IPO11: variants seen among roughly 807,000 people sequenced by gnomAD.
IPO11 encodes importin 11, also known as importin-11.
In IPO11, 66 loss-of-function variants were observed where a neutral mutation model predicts 143.2. That is an observed-to-expected ratio of 0.46 (90% CI 0.38 to 0.57). IPO11 has a LOEUF of 0.57. Ranked by LOEUF, IPO11 falls within the 20% of genes least tolerant of loss-of-function variation. The probability of loss-of-function intolerance (pLI) is 0.00; values close to 1 mark genes in which losing one functional copy is unlikely to be tolerated. For synonymous variants in IPO11, 385 were observed against 377.8 expected (o/e 1.02, Z -0.22); for missense variants, 1,026 against 1,141.0 (o/e 0.90, Z 1.45).
In IPO11 at chr5:62,439,284, G is replaced by GTTTT. The variant is rs1226593063; in HGVS notation, c.138+1887_138+1890dup. 4.3e-3 allele frequency among the ~76,000 whole-genome samples: 395 copies of GTTTT among 90,930 alleles called. 11 individuals carry two copies. Among genetic ancestry groups the GTTTT allele is most frequent in the African/African-American group, 6.6e-3 (148 of 22,554 alleles). The allele number at this position is 90,930 out of a possible 152,430, so 59.7% of individuals were successfully genotyped here. A position where few individuals can be genotyped will look rare whatever the true frequency, so the allele number is the denominator to read the frequency against. On this transcript the variant is annotated intron_variant, in intron 2 of 29. Coordinates refer to ENST00000325324, the MANE Select transcript of IPO11 (RefSeq NM_016338.5). ...CTTATTAATAATACTAACTGCGTAG[G>GTTTT]TTTTTTTTTTTTTTTTTTTTTTTGA...
At chr5:62,533,964 A>AAG (rs1742644949) in intron 22 of IPO11, among the ~76,000 whole-genome samples, 4 of 148,650 alleles carry the variant, frequency 2.7e-5, no homozygotes, top group African/African-American at 4.9e-5. Context: ...AAAAAAAAAA[A>AAG]AAAGAAAGCC....
At position 62,451,946 on chromosome 5, in the gene IPO11, A is replaced by G; in HGVS notation, c.516+13A>G. On this transcript the variant is annotated intron_variant, in intron 5 of 29. Transcript: ENST00000325324. ...ACTATTTTATGATGTAAGTGATTTC[A>G]CATAGTTAAATTTGATTATGAAAAT... is the stretch of plus-strand genomic sequence containing the variant. 1 of 1,600,526 alleles carries G rather than the reference A, an allele frequency of 6.2e-7. No homozygotes were observed.
intron 3 of IPO11, among the ~76,000 whole-genome samples, chr5:62,446,006 A>G (rs1451920070): frequency 6.6e-6 from 1 of 152,218 alleles, no homozygotes; most frequent in East Asian, 1.9e-4. Flanking sequence ...ACATTATGTC[A>G]GGGGTTTGAT....
intron 26 of IPO11, among the ~76,000 whole-genome samples, chr5:62,553,291 A>G (rs534896144): frequency 2.6e-4 from 39 of 150,540 alleles, no homozygotes; most frequent in Admixed American, 6.6e-4. Context: ...ACAGGAATTC[A>G]TTCTTTTTTG....
intron 3 of IPO11, among the ~76,000 whole-genome samples, chr5:62,448,555 T>C (rs950224661): frequency 6.6e-6 from 1 of 152,160 alleles, no homozygotes; most frequent in East Asian, 1.9e-4. Context: ...AAACTTTGTT[T>C]TGTTTTGTTT....
chr5:62,468,310 G>A (rs541833480), intron 6 of IPO11, among the ~76,000 whole-genome samples: 30 of 152,048 alleles, frequency 2.0e-4, no homozygotes, highest in Non-Finnish European at 3.2e-4. Flanking sequence ...TTCTTTTATC[G>A]TACTCATTCT....
intron 1 of IPO11, among the ~76,000 whole-genome samples, chr5:62,416,816 C>T (rs1015986916): frequency 1.3e-5 from 2 of 151,734 alleles, no homozygotes; most frequent in Admixed American, 1.3e-4. Context: ...CTTCTGCCTC[C>T]CAGGCTCAAG....
chr5:62,578,423 A>G (rs1744404026), intron 27 of IPO11, among the ~76,000 whole-genome samples: 1 of 152,130 alleles, frequency 6.6e-6, no homozygotes, highest in Non-Finnish European at 1.5e-5. Context: ...TTCATTAAAA[A>G]GTTTACAAAA....
intron 7 of IPO11, among the ~76,000 whole-genome samples, chr5:62,471,654 A>G (rs1339643167): frequency 6.6e-6 from 1 of 152,194 alleles, no homozygotes. Flanking sequence ...CAAACTCAGC[A>G]TATTACATAT....
At chr5:62,454,271 G>A (rs759879641) in intron 5 of IPO11, among the ~76,000 whole-genome samples, 1 of 152,200 alleles carries the variant, frequency 6.6e-6, no homozygotes, top group African/African-American at 2.4e-5. Context: ...GAGGACTAAG[G>A]AAATGGACCG....
intron 1 of IPO11, among the ~76,000 whole-genome samples, chr5:62,430,427 C>T (rs1303343437): frequency 6.6e-6 from 1 of 152,022 alleles, no homozygotes; most frequent in Non-Finnish European, 1.5e-5. Context: ...CTCAAGCAGT[C>T]CTCTCACCTC....
intron 24 of IPO11, among the ~76,000 whole-genome samples, chr5:62,545,796 C>T (rs1315757146): frequency 6.6e-6 from 1 of 152,272 alleles, no homozygotes; most frequent in East Asian, 1.9e-4. Context: ...AGGATATGAA[C>T]AGACACTTCT....
At chr5:62,581,338 A>G in intron 27 of IPO11, 1 of 1,446,446 alleles carries the variant, frequency 6.9e-7, no homozygotes, top group East Asian at 2.5e-5. Flanking sequence ...AAGAAACTTC[A>G]GTGCCATGGA....
intron 1 of IPO11, among the ~76,000 whole-genome samples, chr5:62,427,731 C>T (rs548341994): frequency 6.6e-5 from 10 of 152,306 alleles, no homozygotes; most frequent in African/African-American, 2.2e-4. Flanking sequence ...GAAACCATCC[C>T]CCCCTGCCCT....
chr5:62,451,734 C>T lies in IPO11; in HGVS notation c.317C>T (p.Ala106Val). ...TNFNEPINQIATQIAVLIAKV... is the reference protein window; with the variant it reads ...TNFNEPINQIVTQIAVLIAKV... ...TGTTTAATTTTTTCCTTTCAGATTG[C>T]AACTCAGATTGCAGTGCTCATTGCA... Residue 106 changes from alanine to valine, a missense_variant, in exon 5 of 30, where the codon GCA becomes GTA. By Grantham distance (64) the Ala-to-Val change is moderately conservative. This residue lies in a region of IPO11 where 429 missense variants were observed against 456.3 expected (regional missense o/e 0.94). Coordinates refer to ENST00000325324, the MANE Select transcript of IPO11 (RefSeq NM_016338.5). 1 of 1,613,548 alleles carries T rather than the reference C, an allele frequency of 6.2e-7. No homozygotes were observed. The highest frequency in any genetic ancestry group is 8.5e-7 in the Non-Finnish European group (1 of 1,179,700).
intron 29 of IPO11, among the ~76,000 whole-genome samples, chr5:62,618,570 G>A (rs899619578): frequency 2.6e-5 from 4 of 152,094 alleles, no homozygotes; most frequent in Admixed American, 1.3e-4. Flanking sequence ...TAATCAAGGG[G>A]TGGAAGAATA....
At chr5:62,584,361 G>A (rs1247824823) in intron 27 of IPO11, among the ~76,000 whole-genome samples, 1 of 152,098 alleles carries the variant, frequency 6.6e-6, no homozygotes, top group African/African-American at 2.4e-5. Flanking sequence ...CTTTTGGAAG[G>A]CTGAGGAAGG....
At chr5:62,491,428 T>C (rs551367562) in intron 15 of IPO11, among the ~76,000 whole-genome samples, 3 of 152,170 alleles carry the variant, frequency 2.0e-5, no homozygotes, top group Non-Finnish European at 4.4e-5. Context: ...GCGAAACAAA[T>C]GTGCAGTTTA....
rs528849414 is a variant in IPO11, at chr5:62,442,324, T to C, written c.139-659T>C. ...ATTTTATTGAATATGTATGGGCTTA[T>C]GGTATTCATTTGAAAAATAATTAGG... is the stretch of plus-strand genomic sequence containing the variant. On this transcript the variant is annotated intron_variant, in intron 2 of 29. Coordinates refer to ENST00000325324, the MANE Select transcript of IPO11 (RefSeq NM_016338.5). Among the ~76,000 whole-genome samples the C allele has an allele frequency of 1.5e-4, 23 of 152,302 alleles. No homozygotes were observed. In the East Asian group the frequency reaches 4.2e-3, roughly 28 times the overall value.
Sources: allele counts gnomAD v4.1 joint callset (sites outside exome capture counted in the v4.1 genomes callset), GRCh38; gene constraint gnomAD v4.1.1; regional missense constraint gnomAD v4.1.1; transcripts MANE v1.5; gene names NCBI Gene and HGNC (gene_info 2026-07-23, HGNC 2026-07-21).